The following AK7 variants were observed in gnomAD, a reference collection of about 807,000 sequenced individuals.
AK7 encodes the protein adenylate kinase 7.
Under a neutral mutation model 96.6 loss-of-function variants are expected in AK7, and 78 were observed. The observed-to-expected ratio is 0.81, with a 90% CI of 0.67 to 0.97. The LOEUF (loss-of-function observed/expected upper bound fraction) is 0.97, where lower values mean the gene tolerates loss of function less well. Among genes scored for constraint, AK7 ranks in the 50% least tolerant of loss-of-function variants. The pLI is 0.00. For missense variants in AK7, 855 were observed against 887.9 expected, an observed-to-expected ratio of 0.96 and a Z score of 0.47; for synonymous variants, 302 against 317.2, an observed-to-expected ratio of 0.95 and a Z score of 0.51.
intron 5 of AK7, among the ~76,000 whole-genome samples, chr14:96,432,603 T>C (rs1306380807): frequency 6.6e-6 from 1 of 152,190 alleles, no homozygotes; most frequent in Non-Finnish European, 1.5e-5. Context: ...TCTCAGCATT[T>C]GCTTGTCTGT....
In AK7 at chr14:96,408,955, T is replaced by C. The variant is rs1566763844; in HGVS notation, c.498+14T>C. ...GCCCTGGACCCCGTAAGTAGAGCGT[T>C]AGCTTTCCTTTAGGTAACATTTCAG... On this transcript the variant is annotated intron_variant, in intron 4 of 17. Coordinates refer to ENST00000267584, the MANE Select transcript of AK7 (RefSeq NM_152327.5). 1.2e-6 allele frequency: 2 copies of C among 1,612,338 alleles called. No homozygotes were observed. Among genetic ancestry groups the C allele is most frequent in the Non-Finnish European group, 1.7e-6 (2 of 1,178,476 alleles).
intron 5 of AK7, among the ~76,000 whole-genome samples, chr14:96,430,494 G>T (rs932233549): frequency 6.6e-6 from 1 of 152,110 alleles, no homozygotes; most frequent in Non-Finnish European, 1.5e-5. Flanking sequence ...GGCCAGGGCT[G>T]TTGAATTTTG....
At position 96,437,959 on chromosome 14, in the gene AK7, C is replaced by A. The variant is rs146644995; in HGVS notation, c.690+44C>A. 1.8e-4 allele frequency: 278 copies of A among 1,551,490 alleles called. No homozygotes were observed. The African/African-American group carries it at 3.4e-3, about 19-fold the overall frequency. ...ACGTGGAATGTTTAAAAGTGTCTTACGATACAGATACGCAATTTGAAGGTG... is the reference window on the plus strand; with the variant it reads ...ACGTGGAATGTTTAAAAGTGTCTTAAGATACAGATACGCAATTTGAAGGTG... On this transcript the variant is annotated intron_variant, in intron 6 of 17. Transcript: ENST00000267584.
rs138772044 is a variant in AK7 at position 96,420,830 on chromosome 14, T to C, written c.507T>C (p.Ser169=). The change falls in exon 5 of 18, where the codon TCT becomes TCC. Residue 169 remains serine, a synonymous_variant. Transcript: ENST00000267584. ...ARSKALDPED[S]EVPFTEEDYR... is the part of the protein sequence containing the mutation. ...TTTCTTTCTTATAATAGGAGGATTC[T>C]GAGGTTCCATTCACTGAAGAAGATT... 2.4e-4 allele frequency: 382 copies of C among 1,609,712 alleles called. 2 individuals are homozygous for C. The highest frequency in any genetic ancestry group is 4.0e-5 in the Non-Finnish European group (47 of 1,176,488).
chr14:96,434,384 C>G (rs569166236), intron 5 of AK7, among the ~76,000 whole-genome samples: 67 of 152,082 alleles, frequency 4.4e-4, no homozygotes, highest in Non-Finnish European at 8.2e-4. Context: ...GTTCTCTTCC[C>G]TTACATCTCT....
rs187836787 is a variant in AK7, at chr14:96,415,669, C to T, written c.499-5153C>T. On this transcript the variant is annotated intron_variant, in intron 4 of 17. Coordinates refer to ENST00000267584, the MANE Select transcript of AK7 (RefSeq NM_152327.5). ...CCAAAAGCATCCAAATGGATTAAAA[C>T]TGCACAAAAATCAGTTTTGTTACAA... 7.3e-5 allele frequency among the ~76,000 whole-genome samples: 11 copies of T among 151,288 alleles called. No homozygotes were observed. The East Asian group carries it at 2.1e-3, about 29-fold the overall frequency.
At chr14:96,455,256 G>T (rs8015678) in intron 10 of AK7, among the ~76,000 whole-genome samples, 27 of 152,222 alleles carry the variant, frequency 1.8e-4, no homozygotes, top group Admixed American at 6.5e-4. Context: ...AGGCTGAGGC[G>T]GGAGGATTCC....
intron 12 of AK7, among the ~76,000 whole-genome samples, chr14:96,466,841 G>T (rs1894594167): frequency 6.6e-6 from 1 of 152,076 alleles, no homozygotes; most frequent in Non-Finnish European, 1.5e-5. Context: ...CAAGCCTTTA[G>T]ATCACCAACT....
intron 10 of AK7, among the ~76,000 whole-genome samples, chr14:96,452,641 T>TTTTC (rs1368953435): frequency 1.1e-4 from 17 of 151,988 alleles, no homozygotes; most frequent in South Asian, 2.1e-4. Flanking sequence ...AACTTTTTCT[T>TTTTC]TTTCTTTCTT....
intron 14 of AK7, 89 bp from the exon 15 acceptor site, chr14:96,478,376 C>T: frequency 7.4e-7 from 1 of 1,353,682 alleles, no homozygotes; most frequent in Non-Finnish European, 1.0e-6. Context: ...GAGGTCTTGG[C>T]TGGTAACCAG....
At chr14:96,467,528 C>T (rs150525096) in intron 12 of AK7, among the ~76,000 whole-genome samples, 180 of 152,060 alleles carry the variant, frequency 1.2e-3, no homozygotes, top group African/African-American at 4.0e-3. Context: ...AGTAGATACA[C>T]GGGGTTTCAC....
chr14:96,483,546 C>A (rs1895622202), intron 16 of AK7, among the ~76,000 whole-genome samples: 1 of 152,014 alleles, frequency 6.6e-6, no homozygotes. Flanking sequence ...CTCAGCCTCC[C>A]CAGTGGCTGG....
intron 12 of AK7, among the ~76,000 whole-genome samples, chr14:96,458,589 A>G (rs1030781779): frequency 2.0e-5 from 3 of 151,922 alleles, no homozygotes; most frequent in Non-Finnish European, 2.9e-5. Context: ...AAAAATACAA[A>G]AAATTAGCCA....
chr14:96,425,639 C>T (rs375595752), intron 5 of AK7, among the ~76,000 whole-genome samples: 11 of 151,994 alleles, frequency 7.2e-5, no homozygotes, highest in South Asian at 2.1e-4. Flanking sequence ...TGTGCCACCA[C>T]GCCTGGCTAA....
At chr14:96,414,039 A>C (rs1891188469) in intron 4 of AK7, among the ~76,000 whole-genome samples, 1 of 152,216 alleles carries the variant, frequency 6.6e-6, no homozygotes, top group Admixed American at 6.5e-5. Context: ...TGTGGGATGT[A>C]ACAAACCTAC....
chr14:96,410,627 C>T, intron 4 of AK7, among the ~76,000 whole-genome samples: 1 of 152,200 alleles, frequency 6.6e-6, no homozygotes, highest in Admixed American at 6.5e-5. Context: ...GTCCTTGTGG[C>T]ATGCCCTCAT....
intron 14 of AK7, among the ~76,000 whole-genome samples, chr14:96,473,172 ATT>A (rs112108415): frequency 5.6e-4 from 77 of 137,062 alleles, no homozygotes; most frequent in Middle Eastern, 3.8e-3. Context: ...TGCCCAGCTA[ATT>A]TTTTTTTTTT....
At chr14:96,457,994 A>G in intron 11 of AK7, 89 bp from the exon 12 acceptor site, 1 of 1,556,200 alleles carries the variant, frequency 6.4e-7, no homozygotes, top group African/African-American at 1.4e-5. Flanking sequence ...TTGGATCCCA[A>G]GCTTTTTCCA....
chr14:96,430,208 C>T (rs1244353907), intron 5 of AK7, among the ~76,000 whole-genome samples: 19 of 125,456 alleles, frequency 1.5e-4, no homozygotes, highest in Admixed American at 9.1e-4. Flanking sequence ...TTTTTTGAGA[C>T]GGAGTCTCAC....
Sources: gnomAD v4.1 joint callset for allele counts (sites outside exome capture counted in the v4.1 genomes callset) on GRCh38, gnomAD v4.1.1 for gene constraint, MANE v1.5 for transcripts, NCBI Gene and HGNC (gene_info 2026-07-23, HGNC 2026-07-21) for gene names.